The following NME8 variants were observed in gnomAD, a reference collection of about 807,000 sequenced individuals.
NME8 encodes protein NME8.
In NME8, 72 loss-of-function variants were observed where a neutral mutation model predicts 82.3. That is an observed-to-expected ratio of 0.87 (90% CI 0.72 to 1.06). The LOEUF (loss-of-function observed/expected upper bound fraction) is 1.06, where lower values mean the gene tolerates loss of function less well. NME8 is among the 50% of genes least tolerant of loss of function. The probability of loss-of-function intolerance (pLI) is 0.00; values close to 1 mark genes in which losing one functional copy is unlikely to be tolerated. For missense variants in NME8, 712 were observed against 685.4 expected (o/e 1.04, Z -0.43); for synonymous variants, 267 against 228.5 (o/e 1.17, Z -1.52).
intron 12 of NME8, among the ~76,000 whole-genome samples, chr7:37,879,784 A>G (rs1784914411): frequency 6.6e-6 from 1 of 152,240 alleles, no homozygotes; most frequent in Admixed American, 6.5e-5. Flanking sequence ...AATGTCTTCC[A>G]AAGCACCTGT....
intron 5 of NME8, among the ~76,000 whole-genome samples, chr7:37,855,218 A>AG (rs1784494059): frequency 2.0e-5 from 3 of 152,124 alleles, no homozygotes. Flanking sequence ...AACTTTAAAA[A>AG]CAGTCTCTCA....
At chr7:37,875,762 A>G (rs1784838277) in intron 11 of NME8, among the ~76,000 whole-genome samples, 1 of 152,106 alleles carries the variant, frequency 6.6e-6, no homozygotes. Context: ...ACGGCACCCA[A>G]AAAAAGAAAA....
intron 11 of NME8, among the ~76,000 whole-genome samples, chr7:37,873,643 G>T (rs1009305782): frequency 2.6e-5 from 4 of 152,164 alleles, no homozygotes; most frequent in African/African-American, 7.2e-5. Context: ...AAAGATAGGT[G>T]AAATTCCCAT....
intron 11 of NME8, among the ~76,000 whole-genome samples, chr7:37,869,733 T>A (rs896025729): frequency 1.3e-5 from 2 of 152,116 alleles, no homozygotes; most frequent in Non-Finnish European, 2.9e-5. Context: ...CTTTGGCCCA[T>A]GTTTATCCCA....
At chr7:37,899,537 G>A (rs116651174) in intron 17 of NME8, among the ~76,000 whole-genome samples, 8 of 152,046 alleles carry the variant, frequency 5.3e-5, no homozygotes, top group African/African-American at 1.9e-4. Context: ...TGGGGGCTGG[G>A]GGAGGGAGAG....
chr7:37,884,008 C>T lies in NME8; in HGVS notation c.995-295C>T, dbSNP rs187713754. 3.7e-3 allele frequency among the ~76,000 whole-genome samples: 570 copies of T among 152,120 alleles called. 1 individual carries two copies. Among genetic ancestry groups the T allele is most frequent in the Non-Finnish European group, 6.0e-3 (409 of 67,970 alleles). ...ACACCCACACAATCACTCACATTCA[C>T]ATGCATACACCCAAGAAAAAGATTT... is the stretch of plus-strand genomic sequence containing the variant. On this transcript the variant is annotated intron_variant, in intron 12 of 17. Transcript: ENST00000199447.
intron 5 of NME8, among the ~76,000 whole-genome samples, chr7:37,852,008 C>A (rs1383084623): frequency 1.3e-5 from 2 of 152,044 alleles, no homozygotes; most frequent in Non-Finnish European, 2.9e-5. Flanking sequence ...GATGAATAAG[C>A]AGTTTAAAGC....
intron 6 of NME8, among the ~76,000 whole-genome samples, chr7:37,860,893 A>G (rs1035337393): frequency 2.0e-5 from 3 of 152,232 alleles, no homozygotes; most frequent in Admixed American, 6.5e-5. Context: ...TGAGAAACAG[A>G]AGAGTCACCT....
rs762153775 is a variant in NME8 at position 37,884,405 on chromosome 7, A to G, written c.1097A>G (p.Glu366Gly). The G allele has an allele frequency of 1.9e-5, 31 of 1,611,336 alleles. No individual in the cohort carries two copies. In the South Asian group the frequency reaches 3.3e-4, roughly 17 times the overall value. ...KEAQALCKEY[E>G]NEDYFNKLIE... is the part of the protein sequence containing the mutation. ...GCACAAGCACTGTGCAAGGAATATG[A>G]AAATGAAGACTATTTTAATAAACTT... The change falls in exon 13 of 18, where the codon GAA becomes GGA. Residue 366 changes from glutamate to glycine, a missense_variant. Transcript: ENST00000199447.
At chr7:37,893,912 C>T (rs560467569) in intron 15 of NME8, among the ~76,000 whole-genome samples, 3 of 152,228 alleles carry the variant, frequency 2.0e-5, no homozygotes, top group African/African-American at 4.8e-5. Flanking sequence ...GCTCCCAGAC[C>T]ACTCTATGTG....
chr7:37,888,232 T>G (rs1236337161), intron 14 of NME8, 45 bp from the exon 15 acceptor site: 1 of 1,577,790 alleles, frequency 6.3e-7, no homozygotes, highest in Non-Finnish European at 8.7e-7. Context: ...GTTATATTAT[T>G]CTGTTCTGTT....
chr7:37,863,835 T>C (rs1189942978), intron 8 of NME8, among the ~76,000 whole-genome samples: 2 of 152,218 alleles, frequency 1.3e-5, no homozygotes, highest in African/African-American at 2.4e-5. Flanking sequence ...ATTTCACGCC[T>C]TCACTAGATT....
intron 9 of NME8, among the ~76,000 whole-genome samples, chr7:37,865,094 A>C (rs543708010): frequency 6.6e-6 from 1 of 152,192 alleles, no homozygotes; most frequent in Admixed American, 6.5e-5. Flanking sequence ...AAAACGAATC[A>C]TGGTTTCTCA....
chr7:37,891,273 T>A (rs1448880726), intron 15 of NME8, among the ~76,000 whole-genome samples: 1 of 151,956 alleles, frequency 6.6e-6, no homozygotes, highest in Non-Finnish European at 1.5e-5. Flanking sequence ...CAGAATTTAG[T>A]TTGATATAAT....
intron 14 of NME8, among the ~76,000 whole-genome samples, chr7:37,886,801 A>G (rs1264497487): frequency 2.0e-5 from 3 of 152,056 alleles, no homozygotes; most frequent in African/African-American, 7.2e-5. Context: ...GGCTGAAGGT[A>G]TCTCCAAATT....
intron 11 of NME8, among the ~76,000 whole-genome samples, chr7:37,874,917 G>C (rs1244003338): frequency 6.6e-6 from 1 of 152,070 alleles, no homozygotes; most frequent in Non-Finnish European, 1.5e-5. Context: ...AAAATGGGGG[G>C]ATATCAACTA....
At chr7:37,885,121 CT>C in intron 13 of NME8, 23 bp from the exon 14 acceptor site, 2 of 1,491,684 alleles carry the variant, frequency 1.3e-6, no homozygotes, top group Non-Finnish European at 1.9e-6. Flanking sequence ...CTTATTACCT[CT>C]TCTTTGTTTT....
chr7:37,865,245 G>A (rs1396894018), intron 9 of NME8, among the ~76,000 whole-genome samples: 1 of 152,154 alleles, frequency 6.6e-6, no homozygotes, highest in African/African-American at 2.4e-5. Context: ...GATACAATAG[G>A]GGTGCAGGTA....
intron 15 of NME8, 107 bp from the exon 16 acceptor site, chr7:37,894,359 C>A: frequency 8.3e-7 from 1 of 1,207,182 alleles, no homozygotes; most frequent in Non-Finnish European, 1.2e-6. Flanking sequence ...CATGTTAAAC[C>A]ACAATATGCA....
Sources: gnomAD v4.1 joint callset for allele counts (sites outside exome capture counted in the v4.1 genomes callset) on GRCh38, gnomAD v4.1.1 for gene constraint, MANE v1.5 for transcripts, NCBI Gene and HGNC (gene_info 2026-07-23, HGNC 2026-07-21) for gene names.